Variants in COL4A4 observed in about 807,000 individuals in gnomAD.
COL4A4 encodes the protein collagen type IV alpha 4 chain, also known as collagen alpha-4(IV) chain.
COL4A4 carries 105 observed loss-of-function variants against 192.9 expected under a neutral mutation model. That is an observed-to-expected ratio of 0.54 (90% CI 0.46 to 0.64). The LOEUF (loss-of-function observed/expected upper bound fraction) is 0.64, where lower values mean the gene tolerates loss of function less well. COL4A4 is among the 30% of genes least tolerant of loss of function. The pLI is 0.00. For missense variants in COL4A4, 1,967 were observed against 2,169.3 expected, an observed-to-expected ratio of 0.91 and a Z score of 1.85; for synonymous variants, 762 against 769.9, an observed-to-expected ratio of 0.99 and a Z score of 0.17.
chr2:227,058,300 T>C (rs191935027), intron 28 of COL4A4, among the ~76,000 whole-genome samples: 68 of 152,292 alleles, frequency 4.5e-4, no homozygotes, highest in Admixed American at 3.9e-3. Flanking sequence ...GTCTTTGTTC[T>C]TTCCAATTAT....
At chr2:226,988,616 G>A in the COL4A4 span, 18 of 1,352,218 alleles carry the variant, frequency 1.3e-5, no homozygotes, top group Admixed American at 2.8e-4. Flanking sequence ...CTGCCCCTCC[G>A]AGCAGACACA....
At chr2:227,045,967 T>TTATATA (rs1156299053) in intron 35 of COL4A4, among the ~76,000 whole-genome samples, 5 of 34,416 alleles carry the variant, frequency 1.5e-4, no homozygotes, top group Non-Finnish European at 2.7e-4. Flanking sequence ...ATGTATATAT[T>TTATATA]TATATGTGTA....
intron 4 of COL4A4, among the ~76,000 whole-genome samples, chr2:227,138,159 A>ATCG (rs370696869): frequency 1.9e-4 from 28 of 150,900 alleles, no homozygotes; most frequent in African/African-American, 6.8e-4. Context: ...AATAATAATC[A>ATCG]AAAAAATAAT....
chr2:227,103,292 T>G, intron 13 of COL4A4, 95 bp from the exon 14 acceptor site: 1 of 1,023,752 alleles, frequency 9.8e-7, no homozygotes, highest in East Asian at 2.4e-5. Context: ...ACAATCTGTT[T>G]CACCTTAAAA....
chr2:227,158,793 C>T (rs369163589), intron 1 of COL4A4, among the ~76,000 whole-genome samples: 24 of 145,912 alleles, frequency 1.6e-4, no homozygotes, highest in African/African-American at 6.0e-4. Flanking sequence ...ATTAGGATGG[C>T]TAAAATTAAA....
At chr2:227,033,816 C>G (rs1440226471) in intron 37 of COL4A4, among the ~76,000 whole-genome samples, 1 of 152,166 alleles carries the variant, frequency 6.6e-6, no homozygotes, top group Non-Finnish European at 1.5e-5. Context: ...ATAAAATCAC[C>G]CTACATGAGG....
chr2:227,132,347 G>T (rs2062530556), intron 4 of COL4A4, among the ~76,000 whole-genome samples: 1 of 152,210 alleles, frequency 6.6e-6, no homozygotes, highest in Non-Finnish European at 1.5e-5. Flanking sequence ...GCTCCAGGCT[G>T]CAGGGACTTT....
At chr2:227,060,099 C>CAAAA (rs770183660) in intron 27 of COL4A4, 37 bp downstream of exon 27, 7 of 417,290 alleles carry the variant, frequency 1.7e-5, no homozygotes, top group South Asian at 7.9e-5. Flanking sequence ...ATTCCCAAAG[C>CAAAA]AGAAAAAAAA....
chr2:227,125,302 G>A (rs941930111), intron 4 of COL4A4, among the ~76,000 whole-genome samples: 3 of 151,804 alleles, frequency 2.0e-5, no homozygotes, highest in African/African-American at 7.3e-5. Context: ...CTGCCTCCCA[G>A]ATTCAAGCGA....
chr2:227,101,994 A>G (rs2060551680), intron 15 of COL4A4, 85 bp from the exon 16 acceptor site: 1 of 970,640 alleles, frequency 1.0e-6, no homozygotes, highest in East Asian at 2.6e-5. Flanking sequence ...ACCTTATCAA[A>G]TTGTTCCATG....
At position 227,042,083 on chromosome 2, in the gene COL4A4, A is replaced by G. The variant is rs1971588972; in HGVS notation, c.3505+65T>C. The G allele has an allele frequency of 8.9e-6, 9 of 1,005,828 alleles. No homozygotes were observed. The East Asian group carries it at 2.1e-4, about 24-fold the overall frequency. The allele number at this position is 1,005,828 out of a possible 1,614,324, so 62.3% of individuals were successfully genotyped here. A position where few individuals can be genotyped will look rare whatever the true frequency, so the allele number is the denominator to read the frequency against. ...GGGTCACTCACTGGTACAGGAAAAA[A>G]ACACCATCAATTTGCCCTCATTGGG... On this transcript the variant is annotated intron_variant, in intron 37 of 47. Coordinates refer to ENST00000396625, the MANE Select transcript of COL4A4 (RefSeq NM_000092.5).
chr2:227,070,238 T>C (rs1163696202), intron 25 of COL4A4, among the ~76,000 whole-genome samples: 5 of 151,494 alleles, frequency 3.3e-5, no homozygotes, highest in Non-Finnish European at 7.4e-5. Flanking sequence ...GGAGAGGATG[T>C]GGAGAAATAG....
intron 44 of COL4A4, among the ~76,000 whole-genome samples, chr2:227,021,640 T>A (rs1966025276): frequency 6.6e-6 from 1 of 151,728 alleles, no homozygotes. Flanking sequence ...CCTGGCTAAC[T>A]CGGTGAAACC....
chr2:227,088,977 T>A (rs1453747030), intron 21 of COL4A4, among the ~76,000 whole-genome samples, 161 bp from the exon 22 acceptor site: 1 of 152,150 alleles, frequency 6.6e-6, no homozygotes, highest in Non-Finnish European at 1.5e-5. Flanking sequence ...GGGTGTGGCA[T>A]GGGGCACTAC....
chr2:227,162,473 AACAGAAC>A (rs1194183564), intron 1 of COL4A4, among the ~76,000 whole-genome samples: 2 of 152,212 alleles, frequency 1.3e-5, no homozygotes, highest in Non-Finnish European at 2.9e-5. Context: ...TCACCTCATC[AACAGAAC>A]ACCTACCGTT....
intron 44 of COL4A4, among the ~76,000 whole-genome samples, chr2:227,015,091 G>A (rs911030972): frequency 6.6e-6 from 1 of 151,994 alleles, no homozygotes; most frequent in African/African-American, 2.4e-5. Flanking sequence ...AGTAGAGACA[G>A]GGTTTCACCA....
chr2:227,000,346 C>T (rs936964464), downstream of COL4A4, among the ~76,000 whole-genome samples: 8 of 152,190 alleles, frequency 5.3e-5, no homozygotes, highest in African/African-American at 9.6e-5. Context: ...AATTTCAGTG[C>T]GCACAAGTGC....
intron 22 of COL4A4, among the ~76,000 whole-genome samples, chr2:227,084,424 T>C (rs1364127973): frequency 2.0e-5 from 3 of 152,192 alleles, no homozygotes; most frequent in East Asian, 1.9e-4. Flanking sequence ...ACTCAGCACA[T>C]TGGAGACTTC....
intron 23 of COL4A4, among the ~76,000 whole-genome samples, 182 bp from the exon 24 acceptor site, chr2:227,080,731 T>C (rs999246015): frequency 1.3e-5 from 2 of 152,112 alleles, no homozygotes; most frequent in Non-Finnish European, 2.9e-5. Context: ...GCTAGAACCA[T>C]TGAATCTCTT....
Sources: allele counts gnomAD v4.1 joint callset (sites outside exome capture counted in the v4.1 genomes callset), GRCh38; gene constraint gnomAD v4.1.1; transcripts MANE v1.5; gene names NCBI Gene and HGNC (gene_info 2026-07-23, HGNC 2026-07-21).